Variants in ADGRB3 observed in about 807,000 individuals in gnomAD.
ADGRB3 encodes brain-specific angiogenesis inhibitor 3.
A neutral mutation model predicts 193.4 loss-of-function variants in ADGRB3; 37 were observed. The observed-to-expected ratio is 0.19, with a 90% CI of 0.15 to 0.25. The LOEUF (loss-of-function observed/expected upper bound fraction) is 0.25, where lower values mean the gene tolerates loss of function less well. Ranked by LOEUF, ADGRB3 falls within the 10% of genes least tolerant of loss-of-function variation. ADGRB3 has a pLI of 1.00. For missense variants in ADGRB3, 1,637 were observed against 1,852.9 expected (o/e 0.88, Z 2.14); for synonymous variants, 690 against 644.2 (o/e 1.07, Z -1.08).
intron 17 of ADGRB3, among the ~76,000 whole-genome samples, chr6:69,183,347 A>G (rs1162181625): frequency 6.6e-6 from 1 of 152,126 alleles, no homozygotes; most frequent in Non-Finnish European, 1.5e-5. Flanking sequence ...TTTTTGTGGT[A>G]CTTTCCCTTT....
rs759563053 is a variant in ADGRB3, at chr6:68,936,582, C to T, written c.932C>T (p.Ser311Leu). 3.1e-6 allele frequency: 5 copies of T among 1,613,850 alleles called. No homozygotes were observed. The highest frequency in any genetic ancestry group is 3.4e-6 in the Non-Finnish European group (4 of 1,179,990). ...STCSVTCGQG[S>L]QVRTRTCVSP... ...TGTTCGGTTACTTGTGGTCAAGGGT[C>T]GCAGGTGCGAACCAGAACTTGTGTA... Residue 311 changes from serine to leucine, a missense_variant, in exon 5 of 32, where the codon TCG (serine) becomes TTG (leucine). Ser to Leu is a moderately radical substitution (Grantham distance 145, BLOSUM62 -2). Transcript: ENST00000370598.
At chr6:68,864,572 C>T (rs765437369) in intron 3 of ADGRB3, among the ~76,000 whole-genome samples, 11 of 150,752 alleles carry the variant, frequency 7.3e-5, no homozygotes, top group South Asian at 4.5e-4. Flanking sequence ...AAGCTGGCAA[C>T]GGAGTCACTG....
chr6:68,859,176 A>G (rs188678183), intron 3 of ADGRB3, among the ~76,000 whole-genome samples: 4 of 152,290 alleles, frequency 2.6e-5, no homozygotes, highest in Admixed American at 2.6e-4. Context: ...GTCTCTTTGT[A>G]TAGCAAGCAT....
chr6:69,218,047 A>G lies in ADGRB3; in HGVS notation c.2481-15243A>G, dbSNP rs1468903083. Among the ~76,000 whole-genome samples the G allele has an allele frequency of 2.0e-5, 3 of 150,602 alleles. No individual in the cohort carries two copies. In the South Asian group the frequency reaches 6.3e-4, roughly 32 times the overall value. ...CATTAACATATTCTGGTGAACATGT[A>G]AAAGCCTTAACTCCAGCTGACAAAA... On this transcript the variant is annotated intron_variant, in intron 17 of 31. Transcript: ENST00000370598.
intron 17 of ADGRB3, among the ~76,000 whole-genome samples, chr6:69,162,963 A>G (rs542599676): frequency 6.6e-6 from 1 of 152,056 alleles, no homozygotes; most frequent in Non-Finnish European, 1.5e-5. Flanking sequence ...TTTCAACAGC[A>G]GGTTTCATAT....
chr6:69,347,928 G>A (rs1769136219), intron 26 of ADGRB3, among the ~76,000 whole-genome samples: 1 of 152,112 alleles, frequency 6.6e-6, no homozygotes, highest in South Asian at 2.1e-4. Context: ...CACAGGCAAG[G>A]ACAATATGCT....
rs1410550892 is a variant in ADGRB3 at position 68,852,183 on chromosome 6, C to A, written c.758-78376C>A. Among the ~76,000 whole-genome samples the A allele has an allele frequency of 3.3e-5, 5 of 151,880 alleles. No homozygotes were observed. The East Asian group carries it at 9.6e-4, about 29-fold the overall frequency. On this transcript the variant is annotated intron_variant, in intron 3 of 31. Transcript: ENST00000370598. ...TTATTTATCAAATACCACATACTTA[C>A]AAATACGTTTTAATCATGAGTGTCC...
chr6:69,320,469 G>A (rs1161064762), intron 20 of ADGRB3, among the ~76,000 whole-genome samples: 3 of 151,196 alleles, frequency 2.0e-5, no homozygotes, highest in Non-Finnish European at 3.0e-5. Context: ...CCCTCCTCTT[G>A]GACTTCTTAT....
chr6:68,733,916 G>A (rs1289875344), intron 3 of ADGRB3, among the ~76,000 whole-genome samples: 2 of 151,660 alleles, frequency 1.3e-5, no homozygotes, highest in African/African-American at 2.4e-5. Flanking sequence ...TACCCCATTC[G>A]CCACGATGTG....
intron 8 of ADGRB3, among the ~76,000 whole-genome samples, chr6:68,973,989 T>C (rs964372782): frequency 2.6e-5 from 4 of 152,342 alleles, no homozygotes; most frequent in Middle Eastern, 3.4e-3. Context: ...GAATATAATA[T>C]GACAAAAAGA....
At chr6:69,342,428 T>C (rs1335598968) in intron 26 of ADGRB3, among the ~76,000 whole-genome samples, 1 of 152,160 alleles carries the variant, frequency 6.6e-6, no homozygotes, top group Non-Finnish European at 1.5e-5. Flanking sequence ...AGGGCAAGTC[T>C]GCTTCAGAAT....
At chr6:69,061,955 A>G (rs1379569875) in intron 15 of ADGRB3, among the ~76,000 whole-genome samples, 2 of 152,010 alleles carry the variant, frequency 1.3e-5, no homozygotes, top group Admixed American at 6.6e-5. Context: ...TGTGAGTTTT[A>G]TCTGTAAATA....
intron 20 of ADGRB3, among the ~76,000 whole-genome samples, chr6:69,290,102 G>T (rs1301026313): frequency 6.6e-6 from 1 of 152,068 alleles, no homozygotes; most frequent in African/African-American, 2.4e-5. Context: ...AAGCTCAGAG[G>T]ATTAATTGTG....
At chr6:69,110,522 A>T (rs1773339392) in intron 17 of ADGRB3, among the ~76,000 whole-genome samples, 1 of 152,196 alleles carries the variant, frequency 6.6e-6, no homozygotes, top group Non-Finnish European at 1.5e-5. Context: ...GTAAAATGTC[A>T]TTAATTGTTA....
At chr6:69,096,428 T>C (rs1272523924) in intron 17 of ADGRB3, among the ~76,000 whole-genome samples, 1 of 149,548 alleles carries the variant, frequency 6.7e-6, no homozygotes, top group Non-Finnish European at 1.5e-5. Context: ...ATTATGCCCA[T>C]CCAGATTTTT....
chr6:68,918,288 C>T (rs188031072), intron 3 of ADGRB3, among the ~76,000 whole-genome samples: 122 of 152,150 alleles, frequency 8.0e-4, no homozygotes, highest in African/African-American at 2.4e-3. Context: ...TAAGAGATGC[C>T]GTCCCTAACC....
intron 10 of ADGRB3, among the ~76,000 whole-genome samples, chr6:68,981,211 T>G (rs1269023695): frequency 6.6e-6 from 1 of 151,596 alleles, no homozygotes; most frequent in Non-Finnish European, 1.5e-5. Context: ...AGTATTGCTC[T>G]CTCTAAAATG....
intron 17 of ADGRB3, among the ~76,000 whole-genome samples, chr6:69,098,319 A>T (rs1772941958): frequency 6.6e-6 from 1 of 152,302 alleles, no homozygotes; most frequent in African/African-American, 2.4e-5. Context: ...ACAGAAAAAT[A>T]TTTTTTGAGA....
Position 69,122,246 on chromosome 6 carries a change from G to A in ADGRB3, c.2480+46208G>A, listed in dbSNP as rs557197252. ...GGCAGACCACTCGAGGTCAGGAGCCGGAGACCAGCCTGGTCAACAGGGCGA... is the reference window on the plus strand; with the variant it reads ...GGCAGACCACTCGAGGTCAGGAGCCAGAGACCAGCCTGGTCAACAGGGCGA... On this transcript the variant is annotated intron_variant, in intron 17 of 31. Coordinates refer to ENST00000370598, the MANE Select transcript of ADGRB3 (RefSeq NM_001704.3). Among the ~76,000 whole-genome samples, 31 of 151,732 alleles carry A rather than the reference G, an allele frequency of 2.0e-4. No homozygotes were observed. In the East Asian group the frequency reaches 4.3e-3, roughly 21 times the overall value.
Sources: allele counts gnomAD v4.1 joint callset (sites outside exome capture counted in the v4.1 genomes callset), GRCh38; gene constraint gnomAD v4.1.1; transcripts MANE v1.5; gene names NCBI Gene and HGNC (gene_info 2026-07-23, HGNC 2026-07-21).